The following YAE1 variants were observed in gnomAD, a reference collection of about 807,000 sequenced individuals.
YAE1 encodes protein YAE1 homolog.
YAE1 carries 22 observed loss-of-function variants against 23.0 expected under a neutral mutation model. The observed-to-expected ratio is 0.96, with a 90% CI of 0.68 to 1.37. The LOEUF (loss-of-function observed/expected upper bound fraction) is 1.37, where lower values mean the gene tolerates loss of function less well. Ranked by LOEUF, YAE1 falls within the 40% of genes most tolerant of loss-of-function variation. The probability of loss-of-function intolerance (pLI) is 0.00; values close to 1 mark genes in which losing one functional copy is unlikely to be tolerated. For synonymous variants in YAE1, 101 were observed against 97.0 expected, an observed-to-expected ratio of 1.04 and a Z score of -0.24; for missense variants, 260 against 262.1, an observed-to-expected ratio of 0.99 and a Z score of 0.06.
At chr7:39,586,274 G>A (rs915954550) in intron 2 of YAE1, among the ~76,000 whole-genome samples, 12 of 150,588 alleles carry the variant, frequency 8.0e-5, no homozygotes, top group Non-Finnish European at 1.6e-4. Context: ...CCGGGTTCAC[G>A]CCATTCTCCT....
At chr7:39,576,156 TCTAA>T (rs576370098), downstream of YAE1, among the ~76,000 whole-genome samples, 95 of 152,342 alleles carry the variant, frequency 6.2e-4, 2 homozygotes, top group East Asian at 0.017. Context: ...ATACCCTACT[TCTAA>T]CTGAGTTGCT....
At chr7:39,567,613 T>G (rs941638865) in intron 1 of YAE1, among the ~76,000 whole-genome samples, 15 of 151,306 alleles carry the variant, frequency 9.9e-5, no homozygotes, top group East Asian at 9.6e-4. Context: ...TTGTTTTTTG[T>G]TTTTTGGTTT....
chr7:39,572,197 C>G, intron 2 of YAE1, 80 bp from the exon 3 acceptor site: 2 of 1,376,950 alleles, frequency 1.5e-6, no homozygotes, highest in South Asian at 3.0e-5. Context: ...TAAGTCCAAT[C>G]GTTTAATTGT....
At chr7:39,601,554 G>C (rs1791054487) in intron 2 of YAE1, among the ~76,000 whole-genome samples, 1 of 152,124 alleles carries the variant, frequency 6.6e-6, no homozygotes, top group South Asian at 2.1e-4. Flanking sequence ...GAGGTCAGGA[G>C]TTCGAGATCA....
At chr7:39,568,541 A>G (rs1412379864) in intron 1 of YAE1, among the ~76,000 whole-genome samples, 1 of 152,320 alleles carries the variant, frequency 6.6e-6, no homozygotes, top group South Asian at 2.1e-4. Context: ...AGCAAGAATG[A>G]TTTAAAATCT....
At chr7:39,570,131 C>T (rs1275304585) in intron 1 of YAE1, 5 of 852,278 alleles carry the variant, frequency 5.9e-6, no homozygotes, top group Non-Finnish European at 9.6e-6. Flanking sequence ...CCTGTGGGTC[C>T]AGGGAGCACC....
intron 2 of YAE1, among the ~76,000 whole-genome samples, chr7:39,603,809 T>C (rs1791089161): frequency 6.6e-6 from 1 of 152,220 alleles, no homozygotes; most frequent in Non-Finnish European, 1.5e-5. Context: ...GTTCCACAGC[T>C]GGATCTGCAC....
At chr7:39,569,924 A>G in intron 1 of YAE1, 2 of 1,275,272 alleles carry the variant, frequency 1.6e-6, no homozygotes, top group Non-Finnish European at 2.3e-6. Flanking sequence ...TAAACTGTCC[A>G]GTCAGTCCTG....
chr7:39,566,590 G>A, intron 1 of YAE1, 43 bp downstream of exon 1: 15 of 1,609,458 alleles, frequency 9.3e-6, no homozygotes, highest in African/African-American at 1.3e-5. Flanking sequence ...GTTGTGGGAA[G>A]AGGCGCGGAG....
chr7:39,602,365 C>T (rs531680209), intron 2 of YAE1, among the ~76,000 whole-genome samples: 1 of 152,286 alleles, frequency 6.6e-6, no homozygotes, highest in South Asian at 2.1e-4. Flanking sequence ...TCTAAGAGAC[C>T]TGCAGAGCTA....
chr7:39,567,215 C>T (rs1790486293), intron 1 of YAE1, among the ~76,000 whole-genome samples: 1 of 152,176 alleles, frequency 6.6e-6, no homozygotes. Flanking sequence ...TAAATTGCCG[C>T]TAAAGCTGCA....
chr7:39,577,710 A>G (rs1240657626), downstream of YAE1, among the ~76,000 whole-genome samples: 2 of 152,198 alleles, frequency 1.3e-5, no homozygotes, highest in Non-Finnish European at 2.9e-5. Context: ...GCGCAGCCCA[A>G]GCCTCCCCAA....
intron 2 of YAE1, among the ~76,000 whole-genome samples, chr7:39,603,012 G>T (rs909595195): frequency 6.6e-6 from 1 of 152,212 alleles, no homozygotes; most frequent in Non-Finnish European, 1.5e-5. Flanking sequence ...GCCTTCCAAA[G>T]TGCTGGGATT....
downstream of YAE1, among the ~76,000 whole-genome samples, chr7:39,574,387 CA>C (rs1463027293): frequency 6.6e-6 from 1 of 152,042 alleles, no homozygotes; most frequent in Non-Finnish European, 1.5e-5. Context: ...CACTTGAGTC[CA>C]AGAGTTCAAG....
At chr7:39,608,359 G>A (rs2115858493) in intron 2 of YAE1, among the ~76,000 whole-genome samples, 1 of 152,328 alleles carries the variant, frequency 6.6e-6, no homozygotes, top group Admixed American at 6.5e-5. Context: ...AGGCACCTGT[G>A]TTGATCAAGT....
intron 2 of YAE1, among the ~76,000 whole-genome samples, chr7:39,586,044 A>T (rs1202366801): frequency 6.6e-6 from 1 of 152,102 alleles, no homozygotes; most frequent in Non-Finnish European, 1.5e-5. Flanking sequence ...AGGCTGCTGT[A>T]AGCCGCGATC....
In YAE1 at chr7:39,572,476, A is replaced by G; in HGVS notation, c.451A>G (p.Lys151Glu). 6.2e-7 allele frequency: 1 copy of G among 1,614,162 alleles called. No individual in the cohort carries two copies. The stretch of plus-strand genomic sequence containing the variant: ...TTGTCATGTAGTTCCAGCTGAGAAA[A>G]AGATTGATGAAGCTAAAGATGAAAG... Reference protein sequence around the residue: ...DLCHVVPAEKKIDEAKDERLC... With the variant: ...DLCHVVPAEKEIDEAKDERLC... Residue 151 changes from lysine (K) to glutamate (E), a missense_variant, in exon 3 of 3, where the codon AAG becomes GAG. Coordinates refer to ENST00000223273, the MANE Select transcript of YAE1 (RefSeq NM_020192.5).
intron 2 of YAE1, among the ~76,000 whole-genome samples, chr7:39,603,507 A>G (rs1583685419): frequency 6.6e-6 from 1 of 152,226 alleles, no homozygotes; most frequent in Admixed American, 6.5e-5. Context: ...AATTAATTAG[A>G]AAATTAAGCT....
chr7:39,609,832 G>A (rs1295950696), exon 3 of YAE1: 2 of 1,532,886 alleles, frequency 1.3e-6, no homozygotes, highest in Non-Finnish European at 1.7e-6. Flanking sequence ...CGGGCCCCAG[G>A]CCCTGGGACG....
Sources: allele counts gnomAD v4.1 joint callset (sites outside exome capture counted in the v4.1 genomes callset), GRCh38; gene constraint gnomAD v4.1.1; transcripts MANE v1.5; gene names NCBI Gene and HGNC (gene_info 2026-07-23, HGNC 2026-07-21).